Variants in EEF2K observed in about 807,000 individuals in gnomAD.
The protein encoded by EEF2K is eukaryotic elongation factor 2 kinase, also known as alternative protein EEF2K.
Under a neutral mutation model 93.8 loss-of-function variants are expected in EEF2K, and 70 were observed. That is an observed-to-expected ratio of 0.75 (90% CI 0.62 to 0.91). The LOEUF (loss-of-function observed/expected upper bound fraction) is 0.91, where lower values mean the gene tolerates loss of function less well. Ranked by LOEUF, EEF2K falls within the 40% of genes least tolerant of loss-of-function variation. The probability of loss-of-function intolerance (pLI) is 0.00; values close to 1 mark genes in which losing one functional copy is unlikely to be tolerated. For synonymous variants in EEF2K, 376 were observed against 380.8 expected, an observed-to-expected ratio of 0.99 and a Z score of 0.15; for missense variants, 935 against 972.9, an observed-to-expected ratio of 0.96 and a Z score of 0.52.
chr16:22,252,267 A>G (rs955077627), intron 6 of EEF2K, among the ~76,000 whole-genome samples: 4 of 152,222 alleles, frequency 2.6e-5, no homozygotes, highest in African/African-American at 9.6e-5. Flanking sequence ...ATGCTGCCAC[A>G]GGCACGGCTG....
rs1555468299 is a variant in EEF2K at position 22,217,228 on chromosome 16, T to TAGATAGAGAG, written c.-76-8423_-76-8422insTAGAGAGAGA. ...TTAGTGATATATATAGATAGATAGATAGAGAGAGAGAGAGAGAGAGATGCG... is the reference window on the plus strand; with the variant it reads ...TTAGTGATATATATAGATAGATAGATAGATAGAGAGAGAGAGAGAGAGAGAGAGAGATGCG... On this transcript the variant is annotated intron_variant, in intron 1 of 17. Transcript: ENST00000263026. 1.1e-3 allele frequency among the ~76,000 whole-genome samples: 146 copies of TAGATAGAGAG among 136,098 alleles called. 3 individuals are homozygous for TAGATAGAGAG. The East Asian group carries it at 0.019, about 18-fold the overall frequency. 89.3% of individuals were successfully genotyped at this position (136,098 alleles called of 152,430 possible). A position where few individuals can be genotyped will look rare whatever the true frequency, so the allele number is the denominator to read the frequency against.
At chr16:22,247,709 G>C (rs1000952783) in intron 3 of EEF2K, among the ~76,000 whole-genome samples, 1 of 152,126 alleles carries the variant, frequency 6.6e-6, no homozygotes, top group African/African-American at 2.4e-5. Flanking sequence ...AAATCGGATT[G>C]GTTCTTCTGT....
chr16:22,255,919 T>A (rs77168705), intron 6 of EEF2K, among the ~76,000 whole-genome samples: 10 of 143,522 alleles, frequency 7.0e-5, no homozygotes, highest in Non-Finnish European at 7.7e-5. Context: ...CTAAAATAAA[T>A]TTTTTTTTTT....
intron 1 of EEF2K, among the ~76,000 whole-genome samples, chr16:22,208,210 T>G (rs1322181360): frequency 6.6e-6 from 1 of 152,096 alleles, no homozygotes; most frequent in East Asian, 1.9e-4. Context: ...TAATCATCGG[T>G]GTACATTCCA....
chr16:22,212,849 C>T (rs565652800), intron 1 of EEF2K, among the ~76,000 whole-genome samples: 1 of 152,142 alleles, frequency 6.6e-6, no homozygotes, highest in African/African-American at 2.4e-5. Flanking sequence ...TGGCACAGGC[C>T]TGTAGTCCCA....
intron 16 of EEF2K, among the ~76,000 whole-genome samples, chr16:22,279,184 G>C: frequency 6.6e-6 from 1 of 151,640 alleles, no homozygotes. Context: ...TTTCATCTAT[G>C]GGAAAATTGT....
Position 22,280,295 on chromosome 16 carries a change from C to A in EEF2K, c.1987C>A (p.Pro663Thr), listed in dbSNP as rs542586593. The change falls in exon 17 of 18, where the codon CCC becomes ACC. Residue 663 changes from proline (P) to threonine (T), a missense_variant. Pro to Thr is a conservative substitution (Grantham distance 38). Coordinates refer to ENST00000263026, the MANE Select transcript of EEF2K (RefSeq NM_013302.5). Reference protein sequence around the residue: ...GGEYDGMQDEPRYMMLAREAE... With the variant: ...GGEYDGMQDETRYMMLAREAE... The stretch of plus-strand genomic sequence containing the variant: ...TGAGTACGACGGAATGCAGGACGAG[C>A]CCCGGTACATGATGCTGGCCAGGGA... 3 of 1,608,996 alleles carry A rather than the reference C, an allele frequency of 1.9e-6. No individual in the cohort carries two copies. The highest frequency in any genetic ancestry group is 2.7e-5 in the African/African-American group (2 of 74,784).
intron 5 of EEF2K, 140 bp downstream of exon 5, chr16:22,250,831 G>A (rs1315333591): frequency 8.9e-7 from 1 of 1,128,320 alleles, no homozygotes; most frequent in African/African-American, 1.5e-5. Context: ...TGTCCATCTA[G>A]TCTCCCTCGG....
rs1476569627 is a variant in EEF2K, at chr16:22,225,678, G to T, written c.-52G>T. On this transcript the variant is annotated 5_prime_UTR_variant, in exon 2 of 18. Transcript: ENST00000263026. ...GGACCTTCGCCTCTGCATTTGTCCA[G>T]TAACTCTGGCTGTGCCGGATACTGC... 6.3e-7 allele frequency: 1 copy of T among 1,594,772 alleles called. No individual in the cohort carries two copies. The highest frequency in any genetic ancestry group is 8.5e-7 in the Non-Finnish European group (1 of 1,169,716).
At chr16:22,232,464 A>T (rs2047125678) in intron 2 of EEF2K, among the ~76,000 whole-genome samples, 1 of 152,076 alleles carries the variant, frequency 6.6e-6, no homozygotes, top group African/African-American at 2.4e-5. Flanking sequence ...TCCTGGCCTC[A>T]AGCAGTCCTC....
chr16:22,218,574 C>T (rs186144864), intron 1 of EEF2K, among the ~76,000 whole-genome samples: 4 of 152,282 alleles, frequency 2.6e-5, no homozygotes, highest in Admixed American at 6.5e-5. Flanking sequence ...CAGTGGTTTC[C>T]GTCGCCAGAG....
intron 13 of EEF2K, chr16:22,265,095 G>T: frequency 1.9e-6 from 1 of 529,142 alleles, no homozygotes; most frequent in Non-Finnish European, 3.4e-6. Flanking sequence ...GAGAAGAGCA[G>T]CTCAGCCCCA....
chr16:22,260,326 T>C, intron 10 of EEF2K, 136 bp from the exon 11 acceptor site: 1 of 800,996 alleles, frequency 1.2e-6, no homozygotes, highest in Non-Finnish European at 2.0e-6. Flanking sequence ...ATTCTTCTCC[T>C]TTTTTGTGCC....
At chr16:22,257,145 A>T in intron 7 of EEF2K, 108 bp from the exon 8 acceptor site, 1 of 1,561,180 alleles carries the variant, frequency 6.4e-7, no homozygotes, top group Non-Finnish European at 8.7e-7. Flanking sequence ...TTTCCTCTAT[A>T]TAACTCCTTG....
At chr16:22,260,298 C>T (rs1466167473) in intron 10 of EEF2K, among the ~76,000 whole-genome samples, 164 bp from the exon 11 acceptor site, 1 of 152,044 alleles carries the variant, frequency 6.6e-6, no homozygotes, top group African/African-American at 2.4e-5. Context: ...AGAACTTTAG[C>T]CTCCAGGTGC....
At position 22,257,633 on chromosome 16, in the gene EEF2K, C is replaced by G. The variant is rs530461623; in HGVS notation, c.902-10C>G. ...AAGCAACACTCCAGACACCCCCGCT[C>G]TGTCCACAGGTGTCCGCGGGATGGC... On this transcript the variant is annotated splice_polypyrimidine_tract_variant and intron_variant, in intron 8 of 17. Transcript: ENST00000263026. 11 of 1,612,176 alleles carry G rather than the reference C, an allele frequency of 6.8e-6. No individual in the cohort carries two copies. Among genetic ancestry groups the G allele is most frequent in the East Asian group, 2.2e-5 (1 of 44,880 alleles).
At chr16:22,245,786 A>G (rs1049002888) in intron 3 of EEF2K, among the ~76,000 whole-genome samples, 6 of 152,060 alleles carry the variant, frequency 3.9e-5, no homozygotes, top group Non-Finnish European at 5.9e-5. Context: ...CTGTGACAAA[A>G]ACAAACTTAA....
At chr16:22,235,638 C>T (rs555188859) in intron 2 of EEF2K, among the ~76,000 whole-genome samples, 25 of 152,192 alleles carry the variant, frequency 1.6e-4, no homozygotes, top group Non-Finnish European at 3.4e-4. Context: ...GCTGGGATTA[C>T]AGGCATGCAC....
chr16:22,226,514 C>CTTTTTTTTTTTTTTTTTTTTTTTTTTT (rs1393099761), intron 2 of EEF2K, among the ~76,000 whole-genome samples: 2 of 84,492 alleles, frequency 2.4e-5, no homozygotes, highest in African/African-American at 1.3e-4. Context: ...TTTCCTTCTT[C>CTTTTTTTTTTTTTTTTTTTTTTTTTTT]TTCTTTTTTT....
Sources: gnomAD v4.1 joint callset for allele counts (sites outside exome capture counted in the v4.1 genomes callset) on GRCh38, gnomAD v4.1.1 for gene constraint, MANE v1.5 for transcripts, NCBI Gene and HGNC (gene_info 2026-07-23, HGNC 2026-07-21) for gene names.